The following HNRNPUL2 variants were observed in gnomAD, a reference collection of about 807,000 sequenced individuals.
The protein encoded by HNRNPUL2 is heterogeneous nuclear ribonucleoprotein U-like protein 2.
Under a neutral mutation model 102.2 loss-of-function variants are expected in HNRNPUL2, and 27 were observed. That is an observed-to-expected ratio of 0.26 (90% CI 0.19 to 0.36). The LOEUF is 0.36. Among genes scored for constraint, HNRNPUL2 ranks in the 10% least tolerant of loss-of-function variants. The probability of loss-of-function intolerance (pLI) is 1.00; values close to 1 mark genes in which losing one functional copy is unlikely to be tolerated. For synonymous variants in HNRNPUL2, 458 were observed against 387.2 expected (o/e 1.18, Z -2.15); for missense variants, 936 against 981.1 (o/e 0.95, Z 0.61).
Position 62,724,385 on chromosome 11 carries a change from C to G in HNRNPUL2, c.580G>C (p.Asp194His), listed in dbSNP as rs1440102061. 5 of 1,614,102 alleles carry G rather than the reference C, an allele frequency of 3.1e-6. No homozygotes were observed. The highest frequency in any genetic ancestry group is 4.2e-6 in the Non-Finnish European group (5 of 1,180,044). ...CTCTTTACCCCCCGCCGCTCACCAT[C>G]TGAGCCTGCTGGTTTTGACTTTTCA... ...DSEKSKPAGS[D>H]GERRGVKRQR... Residue 194 changes from aspartate to histidine, a missense_variant, in exon 2 of 14, where the codon GAT becomes CAT. By Grantham distance (81) the Asp-to-His change is moderately conservative. Coordinates refer to ENST00000301785, the MANE Select transcript of HNRNPUL2 (RefSeq NM_001079559.3).
In HNRNPUL2 at chr11:62,726,682, C is replaced by T. The variant is rs1336719590; in HGVS notation, c.475G>A (p.Glu159Lys). Reference protein sequence around the residue: ...LGKREEDEPEERSGDETPGSE... With the variant: ...LGKREEDEPEKRSGDETPGSE... ...CCCGGCGTCTCGTCCCCGCTCCGCT[C>T]CTCGGGTTCGTCTTCCTCCCTCTTG... The change falls in exon 1 of 14, where the codon GAG (glutamate) becomes AAG (lysine). Residue 159 changes from glutamate (E) to lysine (K), a missense_variant. Physicochemically the swap from Glu to Lys is moderately conservative, Grantham distance 56. This residue lies in a region of HNRNPUL2 where 327 missense variants were observed against 268.1 expected (regional missense o/e 1.22). Coordinates refer to ENST00000301785, the MANE Select transcript of HNRNPUL2 (RefSeq NM_001079559.3). 1.2e-6 allele frequency: 2 copies of T among 1,600,282 alleles called. No homozygotes were observed. Among genetic ancestry groups the T allele is most frequent in the Non-Finnish European group, 1.7e-6 (2 of 1,179,488 alleles).
At position 62,720,546 on chromosome 11, in the gene HNRNPUL2, C is replaced by CA. The variant is rs148876571; in HGVS notation, c.1612-356dup. Reference sequence around the variant, plus strand: ...GTGGCGGCTGAGCAAGATTCCATCTCAAAAAAAAAAAAAAAAAAAAAAAAA... The same window carrying CA: ...GTGGCGGCTGAGCAAGATTCCATCTCAAAAAAAAAAAAAAAAAAAAAAAAAA... On this transcript the variant is annotated intron_variant, in intron 9 of 13. Transcript: ENST00000301785. Among the ~76,000 whole-genome samples the CA allele has an allele frequency of 1.3e-3, 174 of 131,516 alleles. 5 individuals are homozygous for CA. Among genetic ancestry groups the CA allele is most frequent in the African/African-American group, 4.9e-3 (155 of 31,316 alleles). The allele number at this position is 131,516 out of a possible 152,430, so 86.3% of individuals were successfully genotyped here.
chr11:62,726,810 G>C lies in HNRNPUL2; in HGVS notation c.347C>G (p.Ala116Gly). ...CTCGGCCGCGGCCTCCATGGCTGCC[G>C]CCTCCGGGGGCTCCGGCGGCGGCTG... ...AAQPPPEPPE[A>G]AAMEAAAEPD... The change falls in exon 1 of 14, where the codon GCG becomes GGG. Residue 116 changes from alanine to glycine, a missense_variant. By Grantham distance (60) the Ala-to-Gly change is moderately conservative. Coordinates refer to ENST00000301785, the MANE Select transcript of HNRNPUL2 (RefSeq NM_001079559.3). 1 of 1,593,798 alleles carries C rather than the reference G, an allele frequency of 6.3e-7. No homozygotes were observed. Among genetic ancestry groups the C allele is most frequent in the Non-Finnish European group, 8.5e-7 (1 of 1,176,602 alleles).
In HNRNPUL2 at chr11:62,715,352, G is replaced by T; in HGVS notation, c.2191C>A (p.Gln731Lys). 2 of 1,613,130 alleles carry T rather than the reference G, an allele frequency of 1.2e-6. No homozygotes were observed. Among genetic ancestry groups the T allele is most frequent in the Non-Finnish European group, 1.7e-6 (2 of 1,179,678 alleles). ...TTCCTGTAGTATCGGTCTCTGTCCT[G>T]GGGGTGGTGGTAGTAGTAACTCTGC... Reference protein sequence around the residue: ...DWQSYYYHHPQDRDRYYRNYY... With the variant: ...DWQSYYYHHPKDRDRYYRNYY... The change falls in exon 14 of 14, where the codon CAG becomes AAG. Residue 731 changes from glutamine to lysine, a missense_variant. Gln to Lys is a moderately conservative substitution (Grantham distance 53). This residue lies in a region of HNRNPUL2 where 609 missense variants were observed against 713.0 expected (regional missense o/e 0.85). Coordinates refer to ENST00000301785, the MANE Select transcript of HNRNPUL2 (RefSeq NM_001079559.3).
Position 62,721,377 on chromosome 11 carries a change from A to C in HNRNPUL2, c.1529T>G (p.Leu510Arg). The C allele has an allele frequency of 6.2e-7, 1 of 1,609,752 alleles. No homozygotes were observed. Among genetic ancestry groups the C allele is most frequent in the Non-Finnish European group, 8.5e-7 (1 of 1,178,528 alleles). The change falls in exon 9 of 14, where the codon CTT becomes CGT. Residue 510 changes from leucine (L) to arginine (R), a missense_variant. By Grantham distance (102) the Leu-to-Arg change is moderately radical. Coordinates refer to ENST00000301785, the MANE Select transcript of HNRNPUL2 (RefSeq NM_001079559.3). The stretch of plus-strand genomic sequence containing the variant: ...GCACTGGGAGGCTTGCTGAACTAAA[A>C]GGTCTCGGCTTTTGGGGTCCATCTC... ...EPEMDPKSRD[L>R]LVQQASQCLS...
chr11:62,718,882 G>C (rs1177047600), intron 10 of HNRNPUL2, among the ~76,000 whole-genome samples: 1 of 151,484 alleles, frequency 6.6e-6, no homozygotes, highest in East Asian at 2.0e-4. Context: ...CTGGAGTGCA[G>C]TGGCACAATC....
chr11:62,717,986 G>A (rs1479030581), intron 10 of HNRNPUL2, among the ~76,000 whole-genome samples: 1 of 152,178 alleles, frequency 6.6e-6, no homozygotes, highest in Non-Finnish European at 1.5e-5. Context: ...ATGATTCTTA[G>A]ATGAATCCAG....
intron 10 of HNRNPUL2, among the ~76,000 whole-genome samples, 176 bp downstream of exon 10, chr11:62,719,847 T>G (rs189347783): frequency 7.0e-4 from 106 of 152,318 alleles, no homozygotes; most frequent in African/African-American, 2.5e-3. Context: ...ATGTGCCCTC[T>G]TGCCTTTTGC....
intron 4 of HNRNPUL2, 63 bp downstream of exon 4, chr11:62,723,524 C>CA: frequency 6.8e-7 from 1 of 1,472,580 alleles, no homozygotes; most frequent in Non-Finnish European, 9.2e-7. Context: ...TCTTTTCCCC[C>CA]TCTAAGAACC....
chr11:62,721,394 G>T lies in HNRNPUL2; in HGVS notation c.1512C>A (p.Asp504Glu), dbSNP rs2083701619. ...RMKGLEEPEM[D>E]PKSRDLLVQQ... ...GAACTAAAAGGTCTCGGCTTTTGGG[G>T]TCCATCTCTGGCTCCTCGAGACCCT... The change falls in exon 9 of 14, where the codon GAC becomes GAA. Residue 504 changes from aspartate (D) to glutamate (E), a missense_variant. This residue lies in a region of HNRNPUL2 where 609 missense variants were observed against 713.0 expected (regional missense o/e 0.85). Coordinates refer to ENST00000301785, the MANE Select transcript of HNRNPUL2 (RefSeq NM_001079559.3). 1 of 1,606,136 alleles carries T rather than the reference G, an allele frequency of 6.2e-7. No individual in the cohort carries two copies. The highest frequency in any genetic ancestry group is 8.5e-7 in the Non-Finnish European group (1 of 1,177,316).
intron 6 of HNRNPUL2, 102 bp downstream of exon 6, chr11:62,722,499 C>T (rs2083711232): frequency 2.1e-6 from 3 of 1,414,014 alleles, no homozygotes; most frequent in Non-Finnish European, 3.0e-6. Flanking sequence ...GAGCCACACA[C>T]ATCACATGCA....
In HNRNPUL2 at chr11:62,727,402, T is replaced by TTTCCCCTCCAGGCCCTTGG; in HGVS notation, c.-265_-247dup. 1 of 392,904 alleles carries TTTCCCCTCCAGGCCCTTGG rather than the reference T, an allele frequency of 2.5e-6. No homozygotes were observed. Among genetic ancestry groups the TTTCCCCTCCAGGCCCTTGG allele is most frequent in the Admixed American group, 5.0e-5 (1 of 20,132 alleles). 24.3% of individuals were successfully genotyped at this position (392,904 alleles called of 1,614,324 possible). ...CCCAAAACAACGCAGCAGGGAGCTG[T>TTTCCCCTCCAGGCCCTTGG]TTCCCCTCCAGGCCCTTGGTTCCCC... On this transcript the variant is annotated 5_prime_UTR_variant, in exon 1 of 14. Transcript: ENST00000301785.
chr11:62,726,286 T>A (rs546833483), intron 1 of HNRNPUL2, among the ~76,000 whole-genome samples: 1 of 152,148 alleles, frequency 6.6e-6, no homozygotes, highest in East Asian at 1.9e-4. Context: ...TAATCCCCAA[T>A]TGCTTAGCAC....
chr11:62,726,501 T>A, intron 1 of HNRNPUL2, 118 bp downstream of exon 1: 2 of 1,061,860 alleles, frequency 1.9e-6, no homozygotes, highest in Non-Finnish European at 2.6e-6. Flanking sequence ...AGGAGTTCCA[T>A]CAAATGGCAC....
chr11:62,726,997 C>T lies in HNRNPUL2; in HGVS notation c.160G>A (p.Gly54Ser), dbSNP rs1014739092. 1 of 1,359,070 alleles carries T rather than the reference C, an allele frequency of 7.4e-7. No individual in the cohort carries two copies. The highest frequency in any genetic ancestry group is 9.4e-7 in the Non-Finnish European group (1 of 1,059,638). The allele number at this position is 1,359,070 out of a possible 1,614,324, so 84.2% of individuals were successfully genotyped here. The part of the protein sequence containing the change: ...DEAGGGGAGP[G>S]GACKAEPRPV... ...CGAGGCTCCGCCTTGCAGGCCCCGC[C>T]GGGCCCGGCCCCGCCGCCGCCGGCC... The change falls in exon 1 of 14, where the codon GGC (glycine) becomes AGC (serine). Residue 54 changes from glycine (G) to serine (S), a missense_variant. Gly to Ser is a moderately conservative substitution (Grantham distance 56, BLOSUM62 0). Coordinates refer to ENST00000301785, the MANE Select transcript of HNRNPUL2 (RefSeq NM_001079559.3).
rs1046510841 is a variant in HNRNPUL2, at chr11:62,714,810, CT to C, written c.*488del. 1.3e-5 allele frequency: 2 copies of C among 155,266 alleles called. No homozygotes were observed. The highest frequency in any genetic ancestry group is 1.4e-5 in the Non-Finnish European group (1 of 70,124). 9.6% of individuals were successfully genotyped at this position (155,266 alleles called of 1,614,324 possible). A position where few individuals can be genotyped will look rare whatever the true frequency, so the allele number is the denominator to read the frequency against. On this transcript the variant is annotated 3_prime_UTR_variant, in exon 14 of 14. Coordinates refer to ENST00000301785, the MANE Select transcript of HNRNPUL2 (RefSeq NM_001079559.3). ...ATTTTCACTGTCCCAGTCACAAGCT[CT>C]CCCTCTGTCCCCACTCCTGCCTGCT...
At position 62,727,190 on chromosome 11, in the gene HNRNPUL2, C is replaced by A; in HGVS notation, c.-34G>T. On this transcript the variant is annotated 5_prime_UTR_variant, in exon 1 of 14. Coordinates refer to ENST00000301785, the MANE Select transcript of HNRNPUL2 (RefSeq NM_001079559.3). Reference sequence around the variant, plus strand: ...CCGCCTCCTCCGCCTCCCGCCGCCTCCTCCCCTGCGAACCGTCGACCGAGT... The same window carrying A: ...CCGCCTCCTCCGCCTCCCGCCGCCTACTCCCCTGCGAACCGTCGACCGAGT... 1 of 1,398,720 alleles carries A rather than the reference C, an allele frequency of 7.1e-7. No individual in the cohort carries two copies. The highest frequency in any genetic ancestry group is 9.3e-7 in the Non-Finnish European group (1 of 1,076,524). The allele number at this position is 1,398,720 out of a possible 1,614,324, so 86.6% of individuals were successfully genotyped here.
intron 11 of HNRNPUL2, among the ~76,000 whole-genome samples, chr11:62,716,657 A>T (rs1201254220): frequency 6.6e-6 from 1 of 152,248 alleles, no homozygotes; most frequent in Non-Finnish European, 1.5e-5. Flanking sequence ...TCCTTCAGAT[A>T]AGACAGGAAC....
intron 10 of HNRNPUL2, 63 bp downstream of exon 10, chr11:62,719,960 C>T (rs2083687811): frequency 1.4e-6 from 2 of 1,478,924 alleles, no homozygotes; most frequent in African/African-American, 2.8e-5. Context: ...ACCTCTATTA[C>T]TTACAAATTA....
Sources: gnomAD v4.1 joint callset for allele counts (sites outside exome capture counted in the v4.1 genomes callset) on GRCh38, gnomAD v4.1.1 for gene constraint, gnomAD v4.1.1 regional missense constraint, MANE v1.5 for transcripts, NCBI Gene and HGNC (gene_info 2026-07-23, HGNC 2026-07-21) for gene names.